ADK: variants seen among roughly 807,000 people sequenced by gnomAD.
ADK encodes adenosine kinase, also known as N6,N6-dimethyladenosine kinase.
Under a neutral mutation model 44.7 loss-of-function variants are expected in ADK, and 24 were observed. That is an observed-to-expected ratio of 0.54 (90% CI 0.39 to 0.76). The LOEUF (loss-of-function observed/expected upper bound fraction) is 0.76, where lower values mean the gene tolerates loss of function less well. Ranked by LOEUF, ADK falls within the 30% of genes least tolerant of loss-of-function variation. The pLI, the probability that ADK is intolerant of heterozygous loss-of-function variation, is 0.00. For missense variants in ADK, 321 were observed against 425.1 expected (o/e 0.76, Z 2.15); for synonymous variants, 128 against 142.6 (o/e 0.90, Z 0.73).
chr10:74,402,113 T>G (rs1019515142), intron 6 of ADK, among the ~76,000 whole-genome samples: 3 of 152,214 alleles, frequency 2.0e-5, no homozygotes, highest in Non-Finnish European at 4.4e-5. Context: ...AGATCTGCTG[T>G]TATTCTGATG....
At chr10:74,203,749 T>G (rs894206464) in intron 2 of ADK, among the ~76,000 whole-genome samples, 2 of 138,704 alleles carry the variant, frequency 1.4e-5, no homozygotes, top group African/African-American at 5.5e-5. Flanking sequence ...TCCAACTTTG[T>G]TTTTCAAGAT....
intron 8 of ADK, among the ~76,000 whole-genome samples, chr10:74,598,894 TA>T (rs1272062133): frequency 2.0e-5 from 3 of 152,204 alleles, no homozygotes; most frequent in Non-Finnish European, 4.4e-5. Flanking sequence ...GAGCTGTACT[TA>T]ATCACAAGCA....
chr10:74,411,983 A>G (rs941835190), intron 6 of ADK, among the ~76,000 whole-genome samples: 8 of 152,130 alleles, frequency 5.3e-5, no homozygotes, highest in Admixed American at 1.3e-4. Flanking sequence ...CATCCATTCA[A>G]GTTTTATCAT....
intron 1 of ADK, among the ~76,000 whole-genome samples, chr10:74,179,002 A>G (rs1225241644): frequency 6.6e-6 from 1 of 152,204 alleles, no homozygotes; most frequent in East Asian, 1.9e-4. Flanking sequence ...GTTTCTGTGG[A>G]CAGAAATTGT....
chr10:74,496,523 C>A (rs1331617212), intron 6 of ADK, among the ~76,000 whole-genome samples: 1 of 152,228 alleles, frequency 6.6e-6, no homozygotes, highest in Non-Finnish European at 1.5e-5. Context: ...AGGCTTCCAG[C>A]CATGCTGAAC....
intron 3 of ADK, among the ~76,000 whole-genome samples, chr10:74,311,306 C>A (rs966062129): frequency 6.6e-6 from 1 of 152,134 alleles, no homozygotes; most frequent in Non-Finnish European, 1.5e-5. Context: ...ATGTTTAACA[C>A]TTAAGTAGAA....
intron 4 of ADK, among the ~76,000 whole-genome samples, chr10:74,365,551 T>C (rs1010175845): frequency 1.3e-5 from 2 of 152,244 alleles, no homozygotes; most frequent in African/African-American, 4.8e-5. Flanking sequence ...TTCTGCCTTT[T>C]GAATGCCTGA....
chr10:74,561,029 C>T (rs1850440252), intron 7 of ADK, among the ~76,000 whole-genome samples: 1 of 152,100 alleles, frequency 6.6e-6, no homozygotes. Flanking sequence ...CAAAACAAAA[C>T]AGAACAACAA....
chr10:74,568,780 CT>C (rs894836948), intron 7 of ADK, among the ~76,000 whole-genome samples: 62 of 150,720 alleles, frequency 4.1e-4, no homozygotes, highest in Admixed American at 8.0e-4. Flanking sequence ...ATATTTTTAT[CT>C]TTTTTTTATT....
chr10:74,230,321 A>AT, intron 3 of ADK, among the ~76,000 whole-genome samples: 1 of 152,046 alleles, frequency 6.6e-6, no homozygotes, highest in East Asian at 1.9e-4. Flanking sequence ...CAATATCCGT[A>AT]TTTTATCATG....
chr10:74,242,288 G>T (rs966968537), intron 3 of ADK, among the ~76,000 whole-genome samples: 16 of 152,164 alleles, frequency 1.1e-4, no homozygotes, highest in Non-Finnish European at 2.4e-4. Context: ...TATCTGGAAG[G>T]TGTTCAGACA....
intron 3 of ADK, among the ~76,000 whole-genome samples, chr10:74,227,153 C>G (rs1339140392): frequency 1.3e-5 from 2 of 152,046 alleles, no homozygotes; most frequent in Non-Finnish European, 2.9e-5. Flanking sequence ...ACAAAAAAAT[C>G]TTTTTGTGTT....
intron 10 of ADK, among the ~76,000 whole-genome samples, chr10:74,683,796 T>A (rs534077729): frequency 6.6e-6 from 1 of 152,324 alleles, no homozygotes; most frequent in East Asian, 1.9e-4. Context: ...GGTTTTGTCG[T>A]CCTCCGTAAG....
intron 9 of ADK, among the ~76,000 whole-genome samples, chr10:74,607,702 A>T (rs1165524126): frequency 6.6e-6 from 1 of 151,936 alleles, no homozygotes; most frequent in African/African-American, 2.4e-5. Flanking sequence ...TCTGACAATT[A>T]TGTGTTTTGG....
intron 3 of ADK, among the ~76,000 whole-genome samples, chr10:74,226,124 T>C (rs1210513899): frequency 6.6e-6 from 1 of 152,224 alleles, no homozygotes; most frequent in Non-Finnish European, 1.5e-5. Context: ...TTTTGTTTTT[T>C]TGAGACAGAC....
chr10:74,629,092 T>G (rs1853322774), intron 9 of ADK, among the ~76,000 whole-genome samples: 1 of 151,876 alleles, frequency 6.6e-6, no homozygotes, highest in South Asian at 2.1e-4. Context: ...TAGAGTGGAG[T>G]GATCTTAGCT....
chr10:74,608,875 T>C (rs1852436867), intron 9 of ADK, among the ~76,000 whole-genome samples: 1 of 152,136 alleles, frequency 6.6e-6, no homozygotes, highest in African/African-American at 2.4e-5. Flanking sequence ...GTTTTATCTA[T>C]AAGCCCCTGA....
intron 8 of ADK, among the ~76,000 whole-genome samples, chr10:74,592,573 A>T (rs1851760808): frequency 6.6e-6 from 1 of 152,092 alleles, no homozygotes; most frequent in African/African-American, 2.4e-5. Flanking sequence ...CAAGTAATAA[A>T]TTTTAGATTT....
At chr10:74,422,976 TTCCCTA>T (rs1844617668) in intron 6 of ADK, among the ~76,000 whole-genome samples, 1 of 152,110 alleles carries the variant, frequency 6.6e-6, no homozygotes, top group African/African-American at 2.4e-5. Context: ...TACCTCTCCC[TTCCCTA>T]GCTGCTCATC....
Sources: allele counts gnomAD v4.1 joint callset (sites outside exome capture counted in the v4.1 genomes callset), GRCh38; gene constraint gnomAD v4.1.1; transcripts MANE v1.5; gene names NCBI Gene and HGNC (gene_info 2026-07-23, HGNC 2026-07-21).